The following IGFL2 variants were observed in gnomAD, a reference collection of about 807,000 sequenced individuals.
IGFL2 encodes the protein insulin growth factor-like family member 2.
In IGFL2, 7 loss-of-function variants were observed where a neutral mutation model predicts 13.9. The observed-to-expected ratio is 0.51, with a 90% CI of 0.29 to 0.95. The LOEUF is 0.95. Ranked by LOEUF, IGFL2 falls within the 40% of genes least tolerant of loss-of-function variation. IGFL2 has a pLI of 0.08. For synonymous variants in IGFL2, 55 were observed against 55.8 expected (o/e 0.99, Z 0.07); for missense variants, 138 against 147.8 (o/e 0.93, Z 0.34).
At chr19:46,079,812 C>A in the IGFL2 span, among the ~76,000 whole-genome samples, 1 of 152,112 alleles carries the variant, frequency 6.6e-6, no homozygotes, top group African/African-American at 2.4e-5. Flanking sequence ...GCCAAAAAAG[C>A]CTTCCCTCAA....
downstream of IGFL2, among the ~76,000 whole-genome samples, chr19:46,162,673 T>C (rs552232831): frequency 3.3e-5 from 5 of 152,246 alleles, no homozygotes; most frequent in Non-Finnish European, 5.9e-5. Flanking sequence ...TTATACCAGC[T>C]ATTTTGTCCT....
chr19:46,145,293 C>T (rs1384724279), upstream of IGFL2, among the ~76,000 whole-genome samples: 1 of 151,878 alleles, frequency 6.6e-6, no homozygotes, highest in Non-Finnish European at 1.5e-5. Flanking sequence ...TTGGTATTGT[C>T]GATATTCTCT....
chr19:46,144,880 A>G (rs532670003), upstream of IGFL2, among the ~76,000 whole-genome samples: 11 of 152,148 alleles, frequency 7.2e-5, no homozygotes, highest in East Asian at 1.9e-3. Flanking sequence ...ATTCTTACCT[A>G]TGTAATTGTT....
At chr19:46,102,876 A>G in the IGFL2 span, among the ~76,000 whole-genome samples, 2 of 152,122 alleles carry the variant, frequency 1.3e-5, no homozygotes, top group Admixed American at 1.3e-4. Context: ...GGCTGCTTTG[A>G]GCAGGATTAG....
rs539668576 is a variant in IGFL2, at chr19:46,156,459, A to G, written c.20-3956A>G. Among the ~76,000 whole-genome samples, 3 of 152,318 alleles carry G rather than the reference A, an allele frequency of 2.0e-5. No homozygotes were observed. In the South Asian group the frequency reaches 6.2e-4, roughly 32 times the overall value. On this transcript the variant is annotated intron_variant, in intron 1 of 3. Transcript: ENST00000377693. ...TAAAGTATTGAAGTTTAACAGAGTA[A>G]GTTGTCTGACCATAATTTGATCAAG...
chr19:46,099,933 CG>C, the IGFL2 span, among the ~76,000 whole-genome samples: 1 of 152,034 alleles, frequency 6.6e-6, no homozygotes, highest in Admixed American at 6.6e-5. Context: ...TACCTGTGTT[CG>C]CATCACGAAG....
chr19:46,082,652 C>T, the IGFL2 span, among the ~76,000 whole-genome samples: 1 of 150,646 alleles, frequency 6.6e-6, no homozygotes, highest in Admixed American at 6.6e-5. Flanking sequence ...TTTGAAGACA[C>T]TCCACTCTGT....
chr19:46,194,682 C>T, the IGFL2 span, among the ~76,000 whole-genome samples: 9 of 151,458 alleles, frequency 5.9e-5, no homozygotes, highest in Non-Finnish European at 1.3e-4. Flanking sequence ...ATCAGCCAGA[C>T]GTGGTCACGG....
chr19:46,144,694 G>A (rs1253345798), upstream of IGFL2, among the ~76,000 whole-genome samples: 2 of 152,136 alleles, frequency 1.3e-5, no homozygotes, highest in South Asian at 2.1e-4. Context: ...CATACAGTAA[G>A]TTGACTGTTT....
the IGFL2 span, among the ~76,000 whole-genome samples, chr19:46,125,624 A>T: frequency 2.0e-5 from 3 of 152,346 alleles, no homozygotes; most frequent in African/African-American, 7.2e-5. Flanking sequence ...TGCTGACTTA[A>T]GTTCATCCAG....
At chr19:46,078,918 T>C in the IGFL2 span, among the ~76,000 whole-genome samples, 55 of 11,484 alleles carry the variant, frequency 4.8e-3, 1 homozygote, top group South Asian at 0.013. Context: ...GCGTCGTCAG[T>C]AGACATCGCG....
the IGFL2 span, chr19:46,207,483 G>T: frequency 6.6e-6 from 1 of 152,038 alleles, no homozygotes; most frequent in Non-Finnish European, 1.5e-5. Flanking sequence ...CCAGGTTCAA[G>T]CAATTCTTCT....
chr19:46,082,761 C>A, the IGFL2 span, among the ~76,000 whole-genome samples: 6 of 152,002 alleles, frequency 3.9e-5, no homozygotes, highest in African/African-American at 1.4e-4. Flanking sequence ...GTTATTTTGA[C>A]AAAATGTGGG....
chr19:46,211,009 CATT>C, the IGFL2 span, among the ~76,000 whole-genome samples: 2 of 152,212 alleles, frequency 1.3e-5, no homozygotes, highest in African/African-American at 2.4e-5. Flanking sequence ...GTAGCACAGT[CATT>C]GTGTCTCTGG....
At chr19:46,132,499 CCAAA>C in the IGFL2 span, among the ~76,000 whole-genome samples, 1 of 152,176 alleles carries the variant, frequency 6.6e-6, no homozygotes, top group African/African-American at 2.4e-5. Flanking sequence ...ACTCACACAC[CCAAA>C]CAGACAGATG....
chr19:46,079,626 C>G, the IGFL2 span, among the ~76,000 whole-genome samples: 1 of 152,180 alleles, frequency 6.6e-6, no homozygotes, highest in African/African-American at 2.4e-5. Context: ...ACCTGAATGG[C>G]AGGTACTCAT....
chr19:46,135,788 C>T, the IGFL2 span, among the ~76,000 whole-genome samples: 1 of 152,218 alleles, frequency 6.6e-6, no homozygotes, highest in Non-Finnish European at 1.5e-5. Flanking sequence ...TTTCCAGTAA[C>T]AGTTGTGTAA....
chr19:46,173,054 A>T, the IGFL2 span, among the ~76,000 whole-genome samples: 1 of 152,258 alleles, frequency 6.6e-6, no homozygotes, highest in African/African-American at 2.4e-5. Context: ...TATCTCTTCC[A>T]TAGAGAAGAT....
the IGFL2 span, chr19:46,180,771 GTAA>G: frequency 6.6e-6 from 1 of 152,354 alleles, no homozygotes; most frequent in Non-Finnish European, 1.5e-5. Flanking sequence ...AACCACTGGT[GTAA>G]GTCCAAGGGT....
Sources: allele counts gnomAD v4.1 joint callset (sites outside exome capture counted in the v4.1 genomes callset), GRCh38; gene constraint gnomAD v4.1.1; transcripts MANE v1.5; gene names NCBI Gene and HGNC (gene_info 2026-07-23, HGNC 2026-07-21).